MAPDA: variants seen among roughly 807,000 people sequenced by gnomAD.
The protein encoded by MAPDA is N6-Methyl-AMP deaminase.
At chr15:43,334,996 G>A in the MAPDA span, 15 of 1,006,388 alleles carry the variant, frequency 1.5e-5, no homozygotes, top group Non-Finnish European at 2.2e-5. Flanking sequence ...AAAATGTGTG[G>A]AAGTAAAGCA....
the MAPDA span, among the ~76,000 whole-genome samples, chr15:43,339,226 G>T: frequency 7.2e-5 from 11 of 152,332 alleles, no homozygotes; most frequent in African/African-American, 2.4e-4. Flanking sequence ...GGCAGCAGTG[G>T]TATCTTGCTT....
chr15:43,347,035 T>C, the MAPDA span: 2 of 1,613,878 alleles, frequency 1.2e-6, no homozygotes, highest in Non-Finnish European at 8.5e-7. Flanking sequence ...GCAAAAGACT[T>C]CTTGGAACCT....
At chr15:43,346,088 CTCCAT>C in the MAPDA span, 2 of 1,447,352 alleles carry the variant, frequency 1.4e-6, no homozygotes, top group Non-Finnish European at 1.9e-6. Flanking sequence ...CCAACAGACA[CTCCAT>C]TCTGTGGATG....
At chr15:43,332,421 G>A in the MAPDA span, 2 of 151,800 alleles carry the variant, frequency 1.3e-5, no homozygotes, top group South Asian at 2.1e-4. Context: ...TGAAAAATAC[G>A]TAGCACCATA....
At chr15:43,338,460 T>G in the MAPDA span, among the ~76,000 whole-genome samples, 1 of 152,216 alleles carries the variant, frequency 6.6e-6, no homozygotes, top group Non-Finnish European at 1.5e-5. Flanking sequence ...TCCCTTTTTG[T>G]AGATGAAAAA....
At chr15:43,335,240 C>A in the MAPDA span, 1 of 1,554,222 alleles carries the variant, frequency 6.4e-7, no homozygotes, top group South Asian at 1.1e-5. Flanking sequence ...TTCTTTTCAT[C>A]AAAGTAAATT....
the MAPDA span, among the ~76,000 whole-genome samples, chr15:43,345,586 A>G: frequency 6.6e-6 from 1 of 152,300 alleles, no homozygotes; most frequent in Non-Finnish European, 1.5e-5. Context: ...CCTGAATCAA[A>G]CAAACTGAAG....
chr15:43,341,146 C>T, the MAPDA span, among the ~76,000 whole-genome samples: 1 of 152,098 alleles, frequency 6.6e-6, no homozygotes, highest in Admixed American at 6.5e-5. Flanking sequence ...CCCAAAGAGA[C>T]CTAGGTCATC....
chr15:43,343,537 T>A, the MAPDA span, among the ~76,000 whole-genome samples: 1 of 152,210 alleles, frequency 6.6e-6, no homozygotes, highest in South Asian at 2.1e-4. Context: ...TTCTCATTAT[T>A]CAGATCTCAA....
At chr15:43,342,611 G>GT in the MAPDA span, among the ~76,000 whole-genome samples, 1 of 152,014 alleles carries the variant, frequency 6.6e-6, no homozygotes, top group East Asian at 1.9e-4. Flanking sequence ...CTAGCTGGGC[G>GT]TGGTGGTACC....
At chr15:43,332,983 A>G in the MAPDA span, among the ~76,000 whole-genome samples, 1 of 152,072 alleles carries the variant, frequency 6.6e-6, no homozygotes, top group African/African-American at 2.4e-5. Context: ...TTAATGTGTA[A>G]AGATTATGAT....
chr15:43,349,457 A>G, the MAPDA span: 11 of 626,304 alleles, frequency 1.8e-5, no homozygotes, highest in African/African-American at 2.0e-5. Flanking sequence ...TTGATTGTCT[A>G]TGTGTTTATG....
chr15:43,351,349 C>G, the MAPDA span: 1 of 328,344 alleles, frequency 3.0e-6, no homozygotes, highest in Non-Finnish European at 5.5e-6. Context: ...AAAAAAGGGA[C>G]TGGGACATGA....
the MAPDA span, among the ~76,000 whole-genome samples, chr15:43,350,467 G>A: frequency 6.6e-6 from 1 of 152,026 alleles, no homozygotes; most frequent in Non-Finnish European, 1.5e-5. Flanking sequence ...GCGTTTAGGG[G>A]TTCTTAGAAG....
chr15:43,331,350 A>G, the MAPDA span, among the ~76,000 whole-genome samples: 1 of 152,268 alleles, frequency 6.6e-6, no homozygotes, highest in South Asian at 2.1e-4. Context: ...AATCCAGGTT[A>G]GACTTCAGAA....
chr15:43,333,564 G>T, the MAPDA span: 13 of 151,938 alleles, frequency 8.6e-5, no homozygotes, highest in Non-Finnish European at 1.5e-4. Context: ...ACTTTGAAAT[G>T]CCATGTTTAT....
the MAPDA span, among the ~76,000 whole-genome samples, chr15:43,333,155 C>T: frequency 2.0e-5 from 3 of 152,136 alleles, no homozygotes; most frequent in African/African-American, 7.2e-5. Context: ...GGCGCAGTGG[C>T]TCGCTCCTGT....
the MAPDA span, chr15:43,354,529 A>G: frequency 6.6e-6 from 1 of 152,218 alleles, no homozygotes; most frequent in Non-Finnish European, 1.5e-5. Flanking sequence ...TTTTTGTTTA[A>G]TATCTATACA....
chr15:43,346,495 A>G, the MAPDA span, among the ~76,000 whole-genome samples: 4 of 152,234 alleles, frequency 2.6e-5, no homozygotes, highest in African/African-American at 7.2e-5. Flanking sequence ...GCACTCTCCC[A>G]GATATGACAA....
Sources: gnomAD v4.1 joint callset for allele counts (sites outside exome capture counted in the v4.1 genomes callset) on GRCh38, gnomAD v4.1.1 for gene constraint, MANE v1.5 for transcripts, NCBI Gene and HGNC (gene_info 2026-07-23, HGNC 2026-07-21) for gene names.